The following ARL17B variants were observed in gnomAD, a reference collection of about 807,000 sequenced individuals.
The protein encoded by ARL17B is ADP-ribosylation factor-like protein 17.
intron 3 of ARL17B, among the ~76,000 whole-genome samples, chr17:46,348,605 CCA>C (rs2052650653): frequency 9.4e-6 from 1 of 106,246 alleles, no homozygotes; most frequent in South Asian, 3.1e-4. Context: ...CAAGGTTTCA[CCA>C]CAGAGCTGTG....
chr17:46,275,292 G>GC (rs2049557089), exon 5 of ARL17B: 2 of 637,322 alleles, frequency 3.1e-6, no homozygotes, highest in Admixed American at 5.8e-5. Context: ...TGTCAGGATA[G>GC]CCTCACTAAA....
downstream of ARL17B, among the ~76,000 whole-genome samples, chr17:46,333,144 A>AT (rs1221423500): frequency 3.7e-5 from 4 of 108,944 alleles, no homozygotes; most frequent in Admixed American, 3.8e-4. Flanking sequence ...TGTGTAAGGC[A>AT]TTGTCTAAAT....
At chr17:46,330,944 C>T (rs768779177), downstream of ARL17B, 10 of 724,806 alleles carry the variant, frequency 1.4e-5, no homozygotes, top group South Asian at 2.8e-4. Context: ...ACAGCAGGGG[C>T]CTGAGAAGTT....
chr17:46,280,495 C>A (rs2049732193), intron 4 of ARL17B, among the ~76,000 whole-genome samples: 1 of 151,626 alleles, frequency 6.6e-6, no homozygotes, highest in Non-Finnish European at 1.5e-5. Context: ...GGTCATATAG[C>A]AAGACCCTGT....
intron 3 of ARL17B, among the ~76,000 whole-genome samples, chr17:46,315,612 AAGG>A (rs2051048590): frequency 1.6e-5 from 1 of 62,424 alleles, no homozygotes; most frequent in Non-Finnish European, 3.5e-5. Flanking sequence ...GAGGCCAAGG[AAGG>A]AGGATTGCTT....
chr17:46,288,685 C>A (rs1159916445), intron 4 of ARL17B, among the ~76,000 whole-genome samples: 2 of 150,816 alleles, frequency 1.3e-5, no homozygotes, highest in Non-Finnish European at 2.9e-5. Context: ...TGGTCGGCTT[C>A]TTTACTGCAT....
chr17:46,283,966 A>G (rs543883937), intron 4 of ARL17B, among the ~76,000 whole-genome samples: 1 of 152,382 alleles, frequency 6.6e-6, no homozygotes, highest in East Asian at 1.9e-4. Flanking sequence ...CTTACAAAGC[A>G]GTATGGCTGC....
At chr17:46,278,841 A>C (rs2049673959) in intron 4 of ARL17B, among the ~76,000 whole-genome samples, 1 of 152,114 alleles carries the variant, frequency 6.6e-6, no homozygotes, top group Non-Finnish European at 1.5e-5. Flanking sequence ...CTTGTGGCCC[A>C]GGCTGGAGTG....
At chr17:46,289,024 A>G (rs1445358192) in intron 4 of ARL17B, among the ~76,000 whole-genome samples, 1 of 151,948 alleles carries the variant, frequency 6.6e-6, no homozygotes, top group South Asian at 2.1e-4. Flanking sequence ...CTCAATATGC[A>G]TTTTGCCATA....
chr17:46,274,564 G>A (rs1438656314), downstream of ARL17B, among the ~76,000 whole-genome samples: 2 of 152,184 alleles, frequency 1.3e-5, no homozygotes, highest in African/African-American at 4.8e-5. Context: ...GATAAGATAT[G>A]GATGGATTAT....
Sources: gnomAD v4.1 joint callset for allele counts (sites outside exome capture counted in the v4.1 genomes callset) on GRCh38, gnomAD v4.1.1 for gene constraint, MANE v1.5 for transcripts, NCBI Gene and HGNC (gene_info 2026-07-23, HGNC 2026-07-21) for gene names.